Variants in RTTN observed in about 807,000 individuals in gnomAD.
RTTN encodes the protein rotatin.
RTTN carries 182 observed loss-of-function variants against 269.2 expected under a neutral mutation model. That is an observed-to-expected ratio of 0.68 (90% CI 0.60 to 0.76). The LOEUF (loss-of-function observed/expected upper bound fraction) is 0.76, where lower values mean the gene tolerates loss of function less well. Among genes scored for constraint, RTTN ranks in the 30% least tolerant of loss-of-function variants. The probability of loss-of-function intolerance (pLI) is 0.00; values close to 1 mark genes in which losing one functional copy is unlikely to be tolerated. For missense variants in RTTN, 2,545 were observed against 2,608.6 expected (o/e 0.98, Z 0.53); for synonymous variants, 1,006 against 963.5 (o/e 1.04, Z -0.82).
intron 34 of RTTN, 23 bp from the exon 35 acceptor site, chr18:70,065,945 ACT>A: frequency 6.6e-7 from 1 of 1,512,866 alleles, no homozygotes; most frequent in Non-Finnish European, 9.0e-7. Flanking sequence ...AAATTATTTT[ACT>A]TATTAATGTT....
rs376633925 is a variant in RTTN at position 70,128,454 on chromosome 18, G to A, written c.3047C>T (p.Pro1016Leu). Residue 1016 changes from proline (P) to leucine (L), a missense_variant, in exon 24 of 49, where the codon CCG (proline) becomes CTG (leucine). Physicochemically the swap from Pro to Leu is moderately conservative, Grantham distance 98. Transcript: ENST00000640769. ...AGCTATTCTCAGCATATCTGACACC[G>A]GCTTCAAGGCCAAACAATCAGCAGA... ...PLSADCLALK[P>L]VSDMLRIAWN... is the part of the protein sequence containing the mutation. The A allele has an allele frequency of 2.2e-5, 36 of 1,613,178 alleles. No homozygotes were observed. Among genetic ancestry groups the A allele is most frequent in the Admixed American group, 5.0e-5 (3 of 59,846 alleles).
At chr18:70,081,279 A>G (rs1351100669) in intron 32 of RTTN, among the ~76,000 whole-genome samples, 1 of 152,038 alleles carries the variant, frequency 6.6e-6, no homozygotes. Context: ...TAAAGAACTT[A>G]CTCATGTAAT....
At chr18:70,150,340 C>T (rs1446289020) in intron 15 of RTTN, among the ~76,000 whole-genome samples, 1 of 152,120 alleles carries the variant, frequency 6.6e-6, no homozygotes, top group Non-Finnish European at 1.5e-5. Flanking sequence ...CTGCTTACTA[C>T]CTGTACTGTA....
chr18:70,153,728 A>G (rs1401975073), intron 14 of RTTN, among the ~76,000 whole-genome samples: 2 of 152,212 alleles, frequency 1.3e-5, no homozygotes, highest in African/African-American at 4.8e-5. Flanking sequence ...AATTAAAGTG[A>G]AATGCCTTTA....
intron 26 of RTTN, among the ~76,000 whole-genome samples, chr18:70,115,922 T>C (rs1293116629): frequency 6.6e-6 from 1 of 152,014 alleles, no homozygotes; most frequent in African/African-American, 2.4e-5. Flanking sequence ...CTGAGAGCTT[T>C]TGGAAACTAG....
intron 42 of RTTN, among the ~76,000 whole-genome samples, chr18:70,029,587 T>C (rs917917369): frequency 6.6e-6 from 1 of 152,136 alleles, no homozygotes; most frequent in African/African-American, 2.4e-5. Flanking sequence ...GACTATGCTG[T>C]AATGAGTGTT....
rs1369882657 is a variant in RTTN at position 70,114,475 on chromosome 18, A to T, written c.3653T>A (p.Leu1218Ter). 2 of 1,613,150 alleles carry T rather than the reference A, an allele frequency of 1.2e-6. No individual in the cohort carries two copies. The highest frequency in any genetic ancestry group is 1.7e-6 in the Non-Finnish European group (2 of 1,179,476). Residue 1218 changes from leucine (L) to a stop codon, truncating the protein, a stop_gained, in exon 27 of 49, where the codon TTG becomes TAG. Coordinates refer to ENST00000640769, the MANE Select transcript of RTTN (RefSeq NM_173630.4). LOFTEE classifies it high-confidence loss of function. ...QKELIALFDT[L>*]LLNFMEVTDR... ...AGTAACTTCCATGAAATTGAGCAGC[A>T]AGGTATCAAAAAGAGCAATCAGTTC... is the stretch of plus-strand genomic sequence containing the variant.
At chr18:70,173,855 CAAAT>C (rs1237918347) in intron 11 of RTTN, among the ~76,000 whole-genome samples, 2 of 152,072 alleles carry the variant, frequency 1.3e-5, no homozygotes, top group African/African-American at 2.4e-5. Flanking sequence ...TAAAAGTTAA[CAAAT>C]TAATGCTATA....
intron 28 of RTTN, among the ~76,000 whole-genome samples, chr18:70,105,588 T>C (rs899817377): frequency 2.6e-5 from 4 of 152,188 alleles, no homozygotes; most frequent in Admixed American, 2.0e-4. Flanking sequence ...TGCTGGGAGC[T>C]GTAGACTAGA....
intron 28 of RTTN, among the ~76,000 whole-genome samples, chr18:70,107,310 C>A (rs2059346214): frequency 6.6e-6 from 1 of 152,212 alleles, no homozygotes; most frequent in Non-Finnish European, 1.5e-5. Context: ...CTTGCATAGT[C>A]AGCTGCTCAT....
chr18:70,130,862 T>C (rs2059980792), intron 23 of RTTN: 1 of 152,036 alleles, frequency 6.6e-6, no homozygotes, highest in Admixed American at 6.6e-5. Flanking sequence ...GATTTGATCA[T>C]TATACATTGT....
chr18:70,026,404 A>T (rs2056854390), intron 43 of RTTN, among the ~76,000 whole-genome samples: 1 of 152,050 alleles, frequency 6.6e-6, no homozygotes. Flanking sequence ...GAGTGATCTC[A>T]TGAGATCTGG....
chr18:70,010,795 C>A (rs368911244), intron 46 of RTTN, among the ~76,000 whole-genome samples: 29 of 152,074 alleles, frequency 1.9e-4, no homozygotes, highest in Admixed American at 6.6e-4. Context: ...CAATGAATCC[C>A]GGAGCTGGTT....
At chr18:70,190,773 T>G in intron 8 of RTTN, 54 bp from the exon 9 acceptor site, 1 of 1,276,122 alleles carries the variant, frequency 7.8e-7, no homozygotes, top group Non-Finnish European at 1.1e-6. Context: ...CCCAAACAGA[T>G]TTACTGCATA....
chr18:70,074,136 C>T, intron 33 of RTTN, 142 bp from the exon 34 acceptor site: 1 of 424,034 alleles, frequency 2.4e-6, no homozygotes, highest in Admixed American at 4.1e-5. Context: ...AGATAGACCA[C>T]TATTTAAAAA....
At chr18:70,066,925 C>T (rs913594117) in intron 34 of RTTN, among the ~76,000 whole-genome samples, 2 of 152,060 alleles carry the variant, frequency 1.3e-5, no homozygotes, top group Admixed American at 6.6e-5. Context: ...TTTTTTAAAT[C>T]CCCCTTTTAA....
chr18:70,139,049 T>TTTA (rs1403404687), intron 21 of RTTN: 2 of 150,152 alleles, frequency 1.3e-5, no homozygotes, highest in Non-Finnish European at 3.0e-5. Context: ...ACATGAAACG[T>TTTA]GTTCATCTAA....
Position 70,134,152 on chromosome 18 carries a change from T to C in RTTN, c.2954+321A>G, listed in dbSNP as rs562596057. Among the ~76,000 whole-genome samples, 5 of 152,094 alleles carry C rather than the reference T, an allele frequency of 3.3e-5. No homozygotes were observed. The East Asian group carries it at 9.6e-4, about 29-fold the overall frequency. On this transcript the variant is annotated intron_variant, in intron 23 of 48. Transcript: ENST00000640769. ...AATTGGTGGGTGAGGGAGAATTAAA[T>C]ATAAATAAAAATATATATTAGGAGA...
intron 3 of RTTN, 75 bp downstream of exon 3, chr18:70,204,011 A>G: frequency 8.4e-7 from 1 of 1,191,948 alleles, no homozygotes; most frequent in Non-Finnish European, 1.2e-6. Flanking sequence ...CTTTTTAAAA[A>G]AATCTAATCT....
Sources: allele counts gnomAD v4.1 joint callset (sites outside exome capture counted in the v4.1 genomes callset), GRCh38; gene constraint gnomAD v4.1.1; transcripts MANE v1.5; gene names NCBI Gene and HGNC (gene_info 2026-07-23, HGNC 2026-07-21).